Variants in SHKBP1 observed in about 807,000 individuals in gnomAD.
The protein encoded by SHKBP1 is SH3KBP1 binding protein 1.
A neutral mutation model predicts 83.9 loss-of-function variants in SHKBP1; 71 were observed. The ratio of observed to expected loss-of-function variants is 0.85; its 90% CI spans 0.70 to 1.03. SHKBP1 has a LOEUF of 1.03. Ranked by LOEUF, SHKBP1 falls within the 50% of genes least tolerant of loss-of-function variation. The probability of loss-of-function intolerance (pLI) is 0.00; values close to 1 mark genes in which losing one functional copy is unlikely to be tolerated. For synonymous variants in SHKBP1, 371 were observed against 398.0 expected, an observed-to-expected ratio of 0.93 and a Z score of 0.81; for missense variants, 824 against 982.4, an observed-to-expected ratio of 0.84 and a Z score of 2.16.
At chr19:40,582,081 C>T (rs1455892910) in intron 9 of SHKBP1, among the ~76,000 whole-genome samples, 1 of 152,094 alleles carries the variant, frequency 6.6e-6, no homozygotes, top group Non-Finnish European at 1.5e-5. Flanking sequence ...CTACCACACT[C>T]AGCTAATTTT....
At position 40,588,652 on chromosome 19, in the gene SHKBP1, A is replaced by G. The variant is rs1269095080; in HGVS notation, c.1365A>G (p.Thr455=). 8 of 1,613,986 alleles carry G rather than the reference A, an allele frequency of 5.0e-6. No homozygotes were observed. The African/African-American group carries it at 5.3e-5, about 11-fold the overall frequency. ...GTGCCGACAACAACCACGTGCGGAC[A>G]TGGTCTGTGACTCGCTTCCGCGGCA... ...SVCADNNHVR[T]WSVTRFRGMI... is the part of the protein sequence containing the mutation. Residue 455 remains threonine, a synonymous_variant, in exon 14 of 18, where the codon ACA becomes ACG. Coordinates refer to ENST00000291842, the MANE Select transcript of SHKBP1 (RefSeq NM_138392.4).
At position 40,576,886 on chromosome 19, in the gene SHKBP1, C is replaced by T; in HGVS notation, c.-14C>T. 4.8e-6 allele frequency: 7 copies of T among 1,444,588 alleles called. No individual in the cohort carries two copies. The highest frequency in any genetic ancestry group is 6.4e-6 in the Non-Finnish European group (7 of 1,096,208). 89.5% of individuals were successfully genotyped at this position (1,444,588 alleles called of 1,614,324 possible). A position where few individuals can be genotyped will look rare whatever the true frequency, so the allele number is the denominator to read the frequency against. On this transcript the variant is annotated 5_prime_UTR_variant, in exon 1 of 18. Transcript: ENST00000291842. ...CCGGAAGTGGGTGCGGGCCAGCCGG[C>T]TCGCCCGGGGGCCATGGCAGCAGCG...
rs777019677 is a variant in SHKBP1 at position 40,590,426 on chromosome 19, C to T, written c.1768+4C>T. ...GACGGCCTCGGCCAGGCCCCTGGTACTCCCTGCCCCACCCCAATCCCGTCC... is the reference window on the plus strand; with the variant it reads ...GACGGCCTCGGCCAGGCCCCTGGTATTCCCTGCCCCACCCCAATCCCGTCC... On this transcript the variant is annotated splice_donor_region_variant and intron_variant, in intron 16 of 17. Coordinates refer to ENST00000291842, the MANE Select transcript of SHKBP1 (RefSeq NM_138392.4). This position sits in a 1 kb window ranked among gnomAD's most constrained non-coding sequence, Gnocchi z 4.6. The T allele has an allele frequency of 6.9e-6, 11 of 1,599,024 alleles. No homozygotes were observed. The highest frequency in any genetic ancestry group is 9.4e-6 in the Non-Finnish European group (11 of 1,172,494).
chr19:40,580,372 A>G lies in SHKBP1; in HGVS notation c.449A>G (p.Gln150Arg). 6.2e-7 allele frequency: 1 copy of G among 1,614,214 alleles called. No homozygotes were observed. Among genetic ancestry groups the G allele is most frequent in the South Asian group, 1.1e-5 (1 of 91,084 alleles). ...RNRHSLVGPQQLGGRPAPVRR... is the reference protein window; with the variant it reads ...RNRHSLVGPQRLGGRPAPVRR... Reference sequence around the variant, plus strand: ...CGGCACAGCCTAGTGGGGCCTCAGCAGCTAGGAGGACGGCCAGCCCCTGTC... The same window carrying G: ...CGGCACAGCCTAGTGGGGCCTCAGCGGCTAGGAGGACGGCCAGCCCCTGTC... Residue 150 changes from glutamine (Q) to arginine (R), a missense_variant, in exon 7 of 18, where the codon CAG (glutamine) becomes CGG (arginine). Transcript: ENST00000291842.
At chr19:40,582,555 A>G in intron 10 of SHKBP1, 89 bp downstream of exon 10, 1 of 1,020,676 alleles carries the variant, frequency 9.8e-7, no homozygotes, top group South Asian at 1.5e-5. Flanking sequence ...CCCCACCCCC[A>G]CCCCCTAAGC....
intron 10 of SHKBP1, among the ~76,000 whole-genome samples, chr19:40,583,161 T>C (rs1167713722): frequency 6.6e-6 from 1 of 151,388 alleles, no homozygotes; most frequent in African/African-American, 2.4e-5. Context: ...ATTTAAAAAA[T>C]TAAAACTTTA....
At chr19:40,577,053 C>T in intron 1 of SHKBP1, 68 bp downstream of exon 1, 1 of 1,323,050 alleles carries the variant, frequency 7.6e-7, no homozygotes, top group Middle Eastern at 1.9e-4. Flanking sequence ...ATCCGCCTCT[C>T]CTGGGGGAAT....
chr19:40,579,657 T>C (rs1049517387), intron 6 of SHKBP1, among the ~76,000 whole-genome samples: 9 of 152,152 alleles, frequency 5.9e-5, no homozygotes, highest in African/African-American at 2.2e-4. Flanking sequence ...AGCGAGATGC[T>C]GTCTCAAAAC....
chr19:40,585,535 C>CT (rs34903711), intron 12 of SHKBP1: 9,016 of 132,848 alleles, frequency 0.068, 412 homozygotes, highest in Non-Finnish European at 0.1. Context: ...TTCTTTCTTT[C>CT]TTTTTTTTTT....
Position 40,590,288 on chromosome 19 carries a change from T to C in SHKBP1, c.1634T>C (p.Phe545Ser), listed in dbSNP as rs1186276536. 1.9e-6 allele frequency: 3 copies of C among 1,607,744 alleles called. No homozygotes were observed. In the African/African-American group the frequency reaches 4.0e-5, roughly 22 times the overall value. The change falls in exon 16 of 18, where the codon TTC becomes TCC. Residue 545 changes from phenylalanine (F) to serine (S), a missense_variant. Phe to Ser is a radical substitution (Grantham distance 155, BLOSUM62 -2). Transcript: ENST00000291842. This position sits in a 1 kb window ranked among gnomAD's most constrained non-coding sequence, Gnocchi z 4.6. Reference protein sequence around the residue: ...RSVDGSPTTAFTVLECEGSRR... With the variant: ...RSVDGSPTTASTVLECEGSRR... ...GTGGACGGCTCACCCACGACAGCCT[T>C]CACAGTGCTGGAGTGCGAGGGCTCC...
At chr19:40,587,477 G>A (rs1421930990) in intron 13 of SHKBP1, among the ~76,000 whole-genome samples, 2 of 152,148 alleles carry the variant, frequency 1.3e-5, no homozygotes, top group African/African-American at 4.8e-5. Context: ...TGTAATCCCC[G>A]CTACTCGGGA....
chr19:40,577,918 G>T (rs189015274), intron 4 of SHKBP1: 18 of 590,390 alleles, frequency 3.0e-5, no homozygotes, highest in Non-Finnish European at 4.8e-5. Flanking sequence ...TCTTGATCAT[G>T]TTAAAATTTT....
In SHKBP1 at chr19:40,590,674, G is replaced by A; in HGVS notation, c.1769-56G>A. ...GGTGCTTGCACTGCAATGCAACCCA[G>A]GCCCTTGCCCTATGACCCCTGTCTT... On this transcript the variant is annotated intron_variant, in intron 16 of 17. Coordinates refer to ENST00000291842, the MANE Select transcript of SHKBP1 (RefSeq NM_138392.4). The surrounding 1 kb of genome is among the most constrained non-coding windows in gnomAD (Gnocchi z 4.6). 6.5e-7 allele frequency: 1 copy of A among 1,527,140 alleles called. No homozygotes were observed. Among genetic ancestry groups the A allele is most frequent in the South Asian group, 1.2e-5 (1 of 80,104 alleles). 94.6% of individuals were successfully genotyped at this position (1,527,140 alleles called of 1,614,324 possible).
intron 12 of SHKBP1, chr19:40,585,541 T>C (rs1257867805): frequency 6.6e-6 from 1 of 150,792 alleles, no homozygotes; most frequent in African/African-American, 2.4e-5. Flanking sequence ...CTTTCTTTTT[T>C]TTTTTTTTTG....
At chr19:40,579,689 C>G (rs967091539) in intron 6 of SHKBP1, among the ~76,000 whole-genome samples, 1 of 152,084 alleles carries the variant, frequency 6.6e-6, no homozygotes, top group South Asian at 2.1e-4. Flanking sequence ...AAAAACAACT[C>G]TGGCTAGATG....
intron 5 of SHKBP1, 38 bp downstream of exon 5, chr19:40,578,250 G>A (rs958075844): frequency 2.5e-6 from 4 of 1,596,332 alleles, no homozygotes; most frequent in South Asian, 1.1e-5. Flanking sequence ...TCATTGTATA[G>A]AAAACCAACT....
At chr19:40,577,078 G>A (rs1001952834) in intron 1 of SHKBP1, 93 bp downstream of exon 1, 1 of 1,310,182 alleles carries the variant, frequency 7.6e-7, no homozygotes, top group Non-Finnish European at 1.0e-6. Flanking sequence ...GTCCATCAAG[G>A]GTTGCTCCGC....
intron 12 of SHKBP1, among the ~76,000 whole-genome samples, chr19:40,584,892 G>T (rs1439560920): frequency 6.6e-6 from 1 of 152,144 alleles, no homozygotes; most frequent in Non-Finnish European, 1.5e-5. Context: ...CTGTAAATGG[G>T]ATCATACATT....
At position 40,578,263 on chromosome 19, in the gene SHKBP1, G is replaced by A. The variant is rs758751356; in HGVS notation, c.319+51G>A. 110 of 1,572,254 alleles carry A rather than the reference G, an allele frequency of 7.0e-5. No homozygotes were observed. In the Admixed American group the frequency reaches 1.8e-3, roughly 25 times the overall value. On this transcript the variant is annotated intron_variant, in intron 5 of 17. Coordinates refer to ENST00000291842, the MANE Select transcript of SHKBP1 (RefSeq NM_138392.4). ...CCTCATTGTATAGAAAACCAACTCT[G>A]TGATGCTACCTGCCCCTCTTCCCCT...
Sources: gnomAD v4.1 joint callset for allele counts (sites outside exome capture counted in the v4.1 genomes callset) on GRCh38, gnomAD v4.1.1 for gene constraint, Gnocchi (gnomAD v3.1) non-coding constraint, MANE v1.5 for transcripts, NCBI Gene and HGNC (gene_info 2026-07-23, HGNC 2026-07-21) for gene names.